The following GAP43 variants were observed in gnomAD, a reference collection of about 807,000 sequenced individuals.
The protein encoded by GAP43 is growth associated protein 43.
Under a neutral mutation model 18.6 loss-of-function variants are expected in GAP43, and 6 were observed. The observed-to-expected ratio is 0.32, with a 90% CI of 0.18 to 0.64. The LOEUF (loss-of-function observed/expected upper bound fraction) is 0.64, where lower values mean the gene tolerates loss of function less well. Ranked by LOEUF, GAP43 falls within the 30% of genes least tolerant of loss-of-function variation. The pLI, the probability that GAP43 is intolerant of heterozygous loss-of-function variation, is 0.78. For synonymous variants in GAP43, 115 were observed against 111.4 expected, an observed-to-expected ratio of 1.03 and a Z score of -0.20; for missense variants, 292 against 295.5, an observed-to-expected ratio of 0.99 and a Z score of 0.09.
intron 2 of GAP43, among the ~76,000 whole-genome samples, chr3:115,712,396 G>C (rs1016254233): frequency 6.6e-6 from 1 of 151,530 alleles, no homozygotes; most frequent in Non-Finnish European, 1.5e-5. Flanking sequence ...AAGTTTTTTG[G>C]TGGGTAGTGG....
intron 2 of GAP43, among the ~76,000 whole-genome samples, chr3:115,717,529 G>A (rs1472981618): frequency 6.6e-6 from 1 of 151,836 alleles, no homozygotes; most frequent in Non-Finnish European, 1.5e-5. Flanking sequence ...AGCTGGTCCC[G>A]AACTCCTGAC....
At chr3:115,688,671 G>T (rs1000261954) in intron 2 of GAP43, among the ~76,000 whole-genome samples, 1 of 152,070 alleles carries the variant, frequency 6.6e-6, no homozygotes, top group Non-Finnish European at 1.5e-5. Flanking sequence ...ATTTAACTCC[G>T]CGGACTGACA....
chr3:115,704,676 T>C (rs1709338895), intron 2 of GAP43, among the ~76,000 whole-genome samples: 1 of 152,022 alleles, frequency 6.6e-6, no homozygotes, highest in African/African-American at 2.4e-5. Context: ...ATTAGAGTAA[T>C]ACAGTACATT....
chr3:115,698,280 TA>T (rs373701113), intron 2 of GAP43, among the ~76,000 whole-genome samples: 5 of 4,646 alleles, frequency 1.1e-3, no homozygotes, highest in African/African-American at 1.5e-3. Flanking sequence ...ATATTATATA[TA>T]AATATAATAT....
At chr3:115,698,694 C>T (rs1238524709) in intron 2 of GAP43, among the ~76,000 whole-genome samples, 1 of 151,882 alleles carries the variant, frequency 6.6e-6, no homozygotes, top group East Asian at 1.9e-4. Context: ...CCTGAAAAAT[C>T]CCAATCCCAA....
At chr3:115,679,065 C>A (rs757503106) in intron 2 of GAP43, among the ~76,000 whole-genome samples, 1 of 151,852 alleles carries the variant, frequency 6.6e-6, no homozygotes, top group Non-Finnish European at 1.5e-5. Flanking sequence ...TTCATTTTAA[C>A]CTGGGTTAAA....
intron 1 of GAP43, among the ~76,000 whole-genome samples, chr3:115,647,853 T>C (rs1009166689): frequency 1.3e-5 from 2 of 151,866 alleles, no homozygotes; most frequent in African/African-American, 2.4e-5. Flanking sequence ...TTATGGCACC[T>C]ATGCATGCAG....
chr3:115,700,648 G>A (rs1709286139), intron 2 of GAP43, among the ~76,000 whole-genome samples: 1 of 152,062 alleles, frequency 6.6e-6, no homozygotes, highest in Non-Finnish European at 1.5e-5. Flanking sequence ...TAACTTCAGT[G>A]AAAAAGTCTT....
chr3:115,716,790 A>C (rs1353474920), intron 2 of GAP43, among the ~76,000 whole-genome samples: 4 of 136,716 alleles, frequency 2.9e-5, no homozygotes, highest in Non-Finnish European at 6.3e-5. Flanking sequence ...AGAGAGAGAG[A>C]GTTTTATATG....
intron 2 of GAP43, among the ~76,000 whole-genome samples, chr3:115,681,251 C>T (rs1420065323): frequency 6.6e-6 from 1 of 152,048 alleles, no homozygotes; most frequent in Non-Finnish European, 1.5e-5. Flanking sequence ...TTTTTATATT[C>T]CAAGAATAGG....
At chr3:115,702,829 A>G (rs141134916) in intron 2 of GAP43, among the ~76,000 whole-genome samples, 86 of 152,262 alleles carry the variant, frequency 5.6e-4, no homozygotes, top group African/African-American at 2.1e-3. Flanking sequence ...TTTTGTCAGC[A>G]GTTTCAGGCA....
In GAP43 at chr3:115,676,620, C is replaced by T. The variant is rs759629862; in HGVS notation, c.628+10C>T. On this transcript the variant is annotated intron_variant, in intron 2 of 2. Transcript: ENST00000305124. ...GCTGAAGAGAACATAGGTGAGCAAC[C>T]GCGAGGGTCAGATGCAATGGGTGGA... 29 of 1,562,646 alleles carry T rather than the reference C, an allele frequency of 1.9e-5. 1 individual carries two copies. In the South Asian group the frequency reaches 2.6e-4, roughly 14 times the overall value.
chr3:115,668,116 T>C (rs1406684976), intron 1 of GAP43, among the ~76,000 whole-genome samples: 1 of 152,206 alleles, frequency 6.6e-6, no homozygotes, highest in Non-Finnish European at 1.5e-5. Flanking sequence ...GTCTCAGTGA[T>C]TTTGACCCTT....
intron 2 of GAP43, among the ~76,000 whole-genome samples, chr3:115,703,171 A>G (rs954127219): frequency 1.2e-4 from 18 of 152,134 alleles, no homozygotes; most frequent in African/African-American, 4.1e-4. Flanking sequence ...CAAGGAGAAC[A>G]CTGTTATTAA....
intron 2 of GAP43, among the ~76,000 whole-genome samples, chr3:115,707,301 A>T (rs541159038): frequency 2.0e-4 from 31 of 152,128 alleles, no homozygotes; most frequent in Admixed American, 1.5e-3. Context: ...TTTGTTTGTT[A>T]TTTATTTGTT....
At chr3:115,643,185 A>T (rs547538172) in intron 1 of GAP43, among the ~76,000 whole-genome samples, 1 of 152,190 alleles carries the variant, frequency 6.6e-6, no homozygotes, top group East Asian at 1.9e-4. Flanking sequence ...ACATCTCAAT[A>T]CCTAGACTCA....
intron 1 of GAP43, among the ~76,000 whole-genome samples, chr3:115,668,271 C>A (rs369452012): frequency 6.6e-6 from 1 of 152,106 alleles, no homozygotes; most frequent in African/African-American, 2.4e-5. Flanking sequence ...CTCTTCCAAC[C>A]CCTGTTTAGG....
At chr3:115,626,510 G>A (rs1246614135) in intron 1 of GAP43, among the ~76,000 whole-genome samples, 2 of 152,110 alleles carry the variant, frequency 1.3e-5, no homozygotes, top group East Asian at 1.9e-4. Flanking sequence ...TGGTAAAGGA[G>A]TGGGCAAAGG....
In GAP43 at chr3:115,676,036, A is replaced by G. The variant is rs780792860; in HGVS notation, c.54A>G (p.Gln18=). 18 of 1,604,028 alleles carry G rather than the reference A, an allele frequency of 1.1e-5. No homozygotes were observed. Among genetic ancestry groups the G allele is most frequent in the Non-Finnish European group, 1.5e-5 (18 of 1,176,332 alleles). The change falls in exon 2 of 3, where the codon CAA becomes CAG. Residue 18 remains glutamine, a synonymous_variant. Coordinates refer to ENST00000305124, the MANE Select transcript of GAP43 (RefSeq NM_002045.4). ...TKQVEKNDDD[Q]KIEQDGIKPE... ...AGGTTGAAAAAAATGATGACGACCA[A>G]AAGATTGAACAAGATGGTATCAAAC... is the stretch of plus-strand genomic sequence containing the variant.
Sources: gnomAD v4.1 joint callset for allele counts (sites outside exome capture counted in the v4.1 genomes callset) on GRCh38, gnomAD v4.1.1 for gene constraint, MANE v1.5 for transcripts, NCBI Gene and HGNC (gene_info 2026-07-23, HGNC 2026-07-21) for gene names.